The following PCDHA2 variants were observed in gnomAD, a reference collection of about 807,000 sequenced individuals.
The protein encoded by PCDHA2 is protocadherin alpha 2.
Under a neutral mutation model 66.0 loss-of-function variants are expected in PCDHA2, and 58 were observed. The observed-to-expected ratio is 0.88, with a 90% CI of 0.71 to 1.09. The LOEUF is 1.09. Among genes scored for constraint, PCDHA2 ranks in the 50% least tolerant of loss-of-function variants. PCDHA2 has a pLI of 0.00. For missense variants in PCDHA2, 1,267 were observed against 1,242.3 expected, an observed-to-expected ratio of 1.02 and a Z score of -0.30; for synonymous variants, 634 against 554.0, an observed-to-expected ratio of 1.14 and a Z score of -2.03.
chr5:140,840,040 A>T (rs1247550432), intron 1 of PCDHA2, among the ~76,000 whole-genome samples: 1 of 152,076 alleles, frequency 6.6e-6, no homozygotes, highest in Admixed American at 6.6e-5. Context: ...TATCTCCCAG[A>T]TGGAAGTCTA....
At chr5:140,808,069 C>T (rs781875261) in intron 1 of PCDHA2, 4 of 1,613,996 alleles carry the variant, frequency 2.5e-6, no homozygotes, top group South Asian at 2.2e-5. Context: ...CCAAGTTTCA[C>T]ATAGATCCAA....
chr5:140,796,282 A>G lies in PCDHA2; in HGVS notation c.1318A>G (p.Ser440Gly). The stretch of plus-strand genomic sequence containing the variant: ...CTCGCCTTCACTGTGGGCCACCACC[A>G]GCGTGTCCATCGAGGTGGCCGACGT... ...GGSPSLWATT[S>G]VSIEVADVND... Residue 440 changes from serine to glycine, a missense_variant, in exon 1 of 4, where the codon AGC becomes GGC. Transcript: ENST00000526136. The G allele has an allele frequency of 6.2e-7, 1 of 1,614,152 alleles. No individual in the cohort carries two copies. The highest frequency in any genetic ancestry group is 8.5e-7 in the Non-Finnish European group (1 of 1,180,052).
intron 1 of PCDHA2, chr5:140,875,942 C>T: frequency 1.2e-6 from 2 of 1,614,190 alleles, no homozygotes; most frequent in Non-Finnish European, 1.7e-6. Context: ...CTAGAGGGCG[C>T]TTCTGATGCG....
intron 1 of PCDHA2, chr5:140,883,247 A>C: frequency 6.2e-7 from 1 of 1,614,084 alleles, no homozygotes; most frequent in Non-Finnish European, 8.5e-7. Context: ...TGACAAAGGA[A>C]ATATTCCAAT....
intron 1 of PCDHA2, among the ~76,000 whole-genome samples, chr5:140,806,431 C>A (rs1264694270): frequency 6.6e-6 from 1 of 152,182 alleles, no homozygotes; most frequent in Non-Finnish European, 1.5e-5. Flanking sequence ...ATTTGGAATG[C>A]TTTTCCATGC....
intron 1 of PCDHA2, among the ~76,000 whole-genome samples, chr5:140,800,290 C>T (rs1456226549): frequency 3.3e-5 from 5 of 151,896 alleles, no homozygotes; most frequent in African/African-American, 1.2e-4. Context: ...TGTAAAGGAC[C>T]GACTTCTGAA....
intron 1 of PCDHA2, chr5:140,823,165 A>C: frequency 6.2e-7 from 1 of 1,613,828 alleles, no homozygotes; most frequent in East Asian, 2.2e-5. Context: ...CGTGTTCGTG[A>C]AGGAGAACAA....
At chr5:140,803,519 T>C (rs1763225200) in intron 1 of PCDHA2, 1 of 1,614,140 alleles carries the variant, frequency 6.2e-7, no homozygotes, top group African/African-American at 1.3e-5. Context: ...CTTTTAGCCC[T>C]AGCCTTCCTC....
intron 1 of PCDHA2, among the ~76,000 whole-genome samples, chr5:140,916,423 G>A (rs915446945): frequency 6.6e-6 from 1 of 152,174 alleles, no homozygotes; most frequent in Non-Finnish European, 1.5e-5. Context: ...GCACATCTCA[G>A]AACCTAAGGC....
At chr5:141,009,577 C>T in intron 3 of PCDHA2, 50 bp from the exon 4 acceptor site, 1 of 1,584,324 alleles carries the variant, frequency 6.3e-7, no homozygotes, top group South Asian at 1.2e-5. Flanking sequence ...AGTGTGGCAT[C>T]AAGAGCATGT....
intron 1 of PCDHA2, chr5:140,822,619 A>T: frequency 6.2e-7 from 1 of 1,610,996 alleles, no homozygotes; most frequent in Non-Finnish European, 8.5e-7. Flanking sequence ...TTTCTTTAGT[A>T]ATCTTGTTCT....
At chr5:140,802,030 C>T (rs1762832001) in intron 1 of PCDHA2, 3 of 1,614,150 alleles carry the variant, frequency 1.9e-6, no homozygotes, top group Admixed American at 1.7e-5. Flanking sequence ...AAGGATATCG[C>T]GTATTCTTTC....
Position 140,907,813 on chromosome 5 carries a change from G to A in PCDHA2, c.2389-71136G>A, listed in dbSNP as rs192249919. On this transcript the variant is annotated intron_variant, in intron 1 of 3. Coordinates refer to ENST00000526136, the MANE Select transcript of PCDHA2 (RefSeq NM_018905.3). ...AGAGGCTAAGTGGTGTCCACAGAACGAGTCATCCTATCCACTTGTTTATTA... is the reference window on the plus strand; with the variant it reads ...AGAGGCTAAGTGGTGTCCACAGAACAAGTCATCCTATCCACTTGTTTATTA... Among the ~76,000 whole-genome samples the A allele has an allele frequency of 2.7e-3, 406 of 152,332 alleles. 1 individual carries two copies. The highest frequency in any genetic ancestry group is 9.3e-3 in the African/African-American group (387 of 41,574).
chr5:140,852,575 CTTTT>C, intron 1 of PCDHA2: 1 of 799,032 alleles, frequency 1.3e-6, no homozygotes, highest in Non-Finnish European at 1.5e-6. Context: ...TGTGCCAAGG[CTTTT>C]TTATTTTTTT....
rs2150476590 is a variant in PCDHA2, at chr5:140,850,267, T to G, written c.2388+52915T>G. The G allele has an allele frequency of 4.4e-6, 7 of 1,592,494 alleles. 2 individuals carry two copies. Among genetic ancestry groups the G allele is most frequent in the Non-Finnish European group, 6.0e-6 (7 of 1,166,766 alleles). On this transcript the variant is annotated intron_variant, in intron 1 of 3. Coordinates refer to ENST00000526136, the MANE Select transcript of PCDHA2 (RefSeq NM_018905.3). ...CGGTCGGTGGGCGCCGGCGTAGTGG[T>G]GGGGAAGGTGCGCGCAGTGGACGCC...
chr5:140,802,922 C>T (rs1763062929), intron 1 of PCDHA2: 2 of 1,613,616 alleles, frequency 1.2e-6, no homozygotes, highest in African/African-American at 2.7e-5. Flanking sequence ...GCATCGGTGG[C>T]GCAGTGAGCG....
At chr5:140,945,366 T>A (rs1367581632) in intron 1 of PCDHA2, among the ~76,000 whole-genome samples, 6 of 152,036 alleles carry the variant, frequency 3.9e-5, no homozygotes, top group Non-Finnish European at 8.8e-5. Context: ...GTTTAAAATG[T>A]CCATATTACC....
At chr5:140,875,536 G>A (rs2055577552) in intron 1 of PCDHA2, 2 of 1,614,130 alleles carry the variant, frequency 1.2e-6, no homozygotes, top group Non-Finnish European at 1.7e-6. Flanking sequence ...TCTGCTCCTT[G>A]CAGCCTGGGA....
At chr5:140,853,130 C>T in intron 1 of PCDHA2, 1 of 617,250 alleles carries the variant, frequency 1.6e-6, no homozygotes, top group Non-Finnish European at 2.1e-6. Context: ...CCTCCCGCCT[C>T]AGCCTCCCAA....
Sources: gnomAD v4.1 joint callset for allele counts (sites outside exome capture counted in the v4.1 genomes callset) on GRCh38, gnomAD v4.1.1 for gene constraint, MANE v1.5 for transcripts, NCBI Gene and HGNC (gene_info 2026-07-23, HGNC 2026-07-21) for gene names.